NINL: variants seen among roughly 807,000 people sequenced by gnomAD.
NINL encodes the protein ninein like.
In NINL, 153 loss-of-function variants were observed where a neutral mutation model predicts 160.3. The observed-to-expected ratio is 0.95, with a 90% CI of 0.84 to 1.09. The LOEUF is 1.09. Among genes scored for constraint, NINL ranks in the 50% least tolerant of loss-of-function variants. NINL has a pLI of 0.00. For missense variants in NINL, 1,829 were observed against 1,764.0 expected (o/e 1.04, Z -0.66); for synonymous variants, 800 against 734.8 (o/e 1.09, Z -1.43).
chr20:25,516,586 A>G (rs1363416129), intron 3 of NINL, among the ~76,000 whole-genome samples: 1 of 151,948 alleles, frequency 6.6e-6, no homozygotes, highest in Non-Finnish European at 1.5e-5. Flanking sequence ...CCAGGCTGTC[A>G]CCTCCTTGAG....
intron 13 of NINL, 31 bp downstream of exon 13, chr20:25,489,213 A>T: frequency 5.0e-6 from 8 of 1,606,068 alleles, no homozygotes; most frequent in Non-Finnish European, 6.8e-6. Flanking sequence ...CCTGGACATG[A>T]GACTAAAAGG....
At chr20:25,512,233 C>CT (rs769827740) in intron 4 of NINL, among the ~76,000 whole-genome samples, 3 of 152,296 alleles carry the variant, frequency 2.0e-5, no homozygotes, top group Non-Finnish European at 4.4e-5. Flanking sequence ...CTCAGTATAA[C>CT]TAAGTGTTCA....
chr20:25,473,528 T>TAAAATAAAAC (rs1210795152), intron 17 of NINL, among the ~76,000 whole-genome samples: 4 of 150,066 alleles, frequency 2.7e-5, no homozygotes, highest in African/African-American at 4.9e-5. Context: ...TAAAATAAAA[T>TAAAATAAAAC]AAAACAAAGT....
intron 1 of NINL, among the ~76,000 whole-genome samples, chr20:25,532,425 C>T (rs1050627216): frequency 6.6e-6 from 1 of 152,236 alleles, no homozygotes; most frequent in East Asian, 1.9e-4. Context: ...TCTTTGCAGG[C>T]TCATGGCATA....
intron 1 of NINL, among the ~76,000 whole-genome samples, chr20:25,533,135 C>T (rs2064496319): frequency 6.6e-6 from 1 of 152,158 alleles, no homozygotes; most frequent in Admixed American, 6.5e-5. Flanking sequence ...ACCATGAACC[C>T]CGCAGAACTG....
intron 1 of NINL, among the ~76,000 whole-genome samples, chr20:25,569,770 G>A (rs2065034019): frequency 6.6e-6 from 1 of 152,212 alleles, no homozygotes; most frequent in African/African-American, 2.4e-5. Context: ...AGTCCTTCCT[G>A]AATGCAGCAG....
At chr20:25,500,630 T>G (rs1354203399) in intron 8 of NINL, among the ~76,000 whole-genome samples, 2 of 152,238 alleles carry the variant, frequency 1.3e-5, no homozygotes, top group African/African-American at 4.8e-5. Context: ...TGTGTTTTAT[T>G]TCTTATCTTT....
intron 8 of NINL, among the ~76,000 whole-genome samples, chr20:25,499,607 T>C (rs400630): frequency 0.93 from 141,955 of 152,116 alleles, 66,307 homozygotes; most frequent in East Asian, 1. Context: ...TCAGGACAAT[T>C]GTGAGGCCAG....
chr20:25,489,190 T>A, intron 13 of NINL, 54 bp downstream of exon 13: 1 of 1,540,442 alleles, frequency 6.5e-7, no homozygotes. Flanking sequence ...CACCTGCGTG[T>A]GGAGACCCAG....
chr20:25,561,953 G>T (rs577305043), intron 1 of NINL, among the ~76,000 whole-genome samples: 1 of 145,174 alleles, frequency 6.9e-6, no homozygotes, highest in Non-Finnish European at 1.5e-5. Context: ...GAGGTGGGGG[G>T]TCAGCCCCCC....
At chr20:25,483,619 G>A (rs1400583828) in intron 13 of NINL, among the ~76,000 whole-genome samples, 3 of 152,240 alleles carry the variant, frequency 2.0e-5, no homozygotes, top group South Asian at 2.1e-4. Flanking sequence ...GGTGGAGGCC[G>A]CGTGGGCGGC....
chr20:25,511,495 T>C (rs1343203414), intron 4 of NINL, among the ~76,000 whole-genome samples: 1 of 152,208 alleles, frequency 6.6e-6, no homozygotes, highest in Non-Finnish European at 1.5e-5. Flanking sequence ...CAAGACTCTG[T>C]ATGCTTCAAA....
At position 25,515,427 on chromosome 20, in the gene NINL, T is replaced by C. The variant is rs546909306; in HGVS notation, c.277+2326A>G. 3.9e-5 allele frequency among the ~76,000 whole-genome samples: 6 copies of C among 152,366 alleles called. 1 individual carries two copies. In the South Asian group the frequency reaches 8.3e-4, roughly 21 times the overall value. ...TCTAGTTTTTTATTCTACAGGCTCA[T>C]AGGCGGAAGGGACTTGCCTTGTCTC... On this transcript the variant is annotated intron_variant, in intron 3 of 23. Coordinates refer to ENST00000278886, the MANE Select transcript of NINL (RefSeq NM_025176.6).
intron 21 of NINL, chr20:25,458,942 G>A (rs962671762): frequency 5.4e-5 from 9 of 167,532 alleles, no homozygotes; most frequent in South Asian, 1.8e-4. Context: ...CAGACAACAC[G>A]GACTGCTGAA....
chr20:25,577,261 T>C (rs1464536574), intron 1 of NINL, among the ~76,000 whole-genome samples: 1 of 152,212 alleles, frequency 6.6e-6, no homozygotes, highest in African/African-American at 2.4e-5. Flanking sequence ...TCAGTTTTAC[T>C]CACTGGTCCA....
At chr20:25,525,297 G>C (rs191718234) in intron 2 of NINL, among the ~76,000 whole-genome samples, 1 of 152,306 alleles carries the variant, frequency 6.6e-6, no homozygotes, top group East Asian at 1.9e-4. Flanking sequence ...TTCTTCATTT[G>C]TTTTGGCCCA....
At chr20:25,527,512 T>G (rs74786501) in intron 1 of NINL, among the ~76,000 whole-genome samples, 4 of 150,054 alleles carry the variant, frequency 2.7e-5, no homozygotes, top group Non-Finnish European at 5.9e-5. Flanking sequence ...AGGGTTTCTG[T>G]TTTTTTTTCA....
chr20:25,542,241 T>C (rs978153046), intron 1 of NINL, among the ~76,000 whole-genome samples: 1 of 152,142 alleles, frequency 6.6e-6, no homozygotes, highest in Admixed American at 6.5e-5. Flanking sequence ...AAAGCATCTA[T>C]CAGAATATAT....
At chr20:25,559,156 C>T (rs1568965886) in intron 1 of NINL, among the ~76,000 whole-genome samples, 2 of 152,240 alleles carry the variant, frequency 1.3e-5, no homozygotes, top group Non-Finnish European at 2.9e-5. Flanking sequence ...GGTATCTGCT[C>T]ACCCAGAAAG....
Sources: allele counts gnomAD v4.1 joint callset (sites outside exome capture counted in the v4.1 genomes callset), GRCh38; gene constraint gnomAD v4.1.1; transcripts MANE v1.5; gene names NCBI Gene and HGNC (gene_info 2026-07-23, HGNC 2026-07-21).